The following MAGI2 variants were observed in gnomAD, a reference collection of about 807,000 sequenced individuals.
The protein encoded by MAGI2 is membrane associated guanylate kinase, WW and PDZ domain containing 2.
MAGI2 carries 35 observed loss-of-function variants against 133.3 expected under a neutral mutation model. The observed-to-expected ratio is 0.26, with a 90% CI of 0.20 to 0.35. The LOEUF is 0.35. Ranked by LOEUF, MAGI2 falls within the 10% of genes least tolerant of loss-of-function variation. The probability of loss-of-function intolerance (pLI) is 1.00; values close to 1 mark genes in which losing one functional copy is unlikely to be tolerated. For missense variants in MAGI2, 1,636 were observed against 1,863.4 expected, an observed-to-expected ratio of 0.88 and a Z score of 2.25; for synonymous variants, 729 against 710.6, an observed-to-expected ratio of 1.03 and a Z score of -0.41.
At chr7:78,335,888 T>G (rs2151164363) in intron 9 of MAGI2, among the ~76,000 whole-genome samples, 1 of 152,320 alleles carries the variant, frequency 6.6e-6, no homozygotes, top group Non-Finnish European at 1.5e-5. Flanking sequence ...CTATGCAAAT[T>G]TCACTAAAAT....
At chr7:78,501,460 G>A (rs1794612626) in intron 5 of MAGI2, 117 bp downstream of exon 5, 1 of 876,982 alleles carries the variant, frequency 1.1e-6, no homozygotes, top group Non-Finnish European at 1.7e-6. Context: ...TAAAAAAGCT[G>A]TTACCAGAAT....
chr7:78,948,458 T>C (rs1381304273), intron 2 of MAGI2, among the ~76,000 whole-genome samples: 1 of 152,070 alleles, frequency 6.6e-6, no homozygotes, highest in African/African-American at 2.4e-5. Context: ...AGGATGCTCT[T>C]CCCTGAGATT....
intron 1 of MAGI2, among the ~76,000 whole-genome samples, chr7:79,249,345 A>G (rs1833057330): frequency 6.6e-6 from 1 of 152,116 alleles, no homozygotes; most frequent in African/African-American, 2.4e-5. Context: ...AAGGTCAGCA[A>G]AGTAAGTTTG....
chr7:78,435,053 T>A (rs1188464781), intron 6 of MAGI2, among the ~76,000 whole-genome samples: 1 of 152,100 alleles, frequency 6.6e-6, no homozygotes, highest in Non-Finnish European at 1.5e-5. Flanking sequence ...TGGGTTTTCA[T>A]CCCAGGTCTG....
chr7:79,255,815 C>A (rs1040925795), intron 1 of MAGI2, among the ~76,000 whole-genome samples: 2 of 151,812 alleles, frequency 1.3e-5, no homozygotes, highest in African/African-American at 4.8e-5. Context: ...ATCACCTAGA[C>A]AATTCTAACT....
rs58739225 is a variant in MAGI2, at chr7:78,573,365, AATAT to A, written c.539-51724_539-51721del. Among the ~76,000 whole-genome samples, 144 of 29,024 alleles carry A rather than the reference AATAT, an allele frequency of 5.0e-3. 3 individuals carry two copies. Among genetic ancestry groups the A allele is most frequent in the African/African-American group, 0.021 (116 of 5,402 alleles). The allele number at this position is 29,024 out of a possible 152,430, so 19.0% of individuals were successfully genotyped here. On this transcript the variant is annotated intron_variant, in intron 3 of 21. Transcript: ENST00000354212. Reference sequence around the variant, plus strand: ...ATATATAGAGAGAGAGAATCCTGGAAATATATATATATATATATATATATATATA... The same window carrying A: ...ATATATAGAGAGAGAGAATCCTGGAAATATATATATATATATATATATATA...
At chr7:78,068,005 G>A (rs551532591) in intron 21 of MAGI2, among the ~76,000 whole-genome samples, 3 of 152,212 alleles carry the variant, frequency 2.0e-5, no homozygotes, top group Non-Finnish European at 2.9e-5. Context: ...AGGTGGACAC[G>A]TCATTAGACA....
At chr7:78,384,994 A>G (rs1336875752) in intron 6 of MAGI2, among the ~76,000 whole-genome samples, 1 of 152,174 alleles carries the variant, frequency 6.6e-6, no homozygotes, top group Non-Finnish European at 1.5e-5. Context: ...ACATGCTGCT[A>G]AATGGTAACA....
chr7:78,741,819 G>A (rs1200106620), intron 2 of MAGI2, among the ~76,000 whole-genome samples: 1 of 151,970 alleles, frequency 6.6e-6, no homozygotes, highest in Non-Finnish European at 1.5e-5. Context: ...CTCTCTATAT[G>A]ACGACCTATA....
chr7:79,453,271 T>C lies in MAGI2; in HGVS notation c.50A>G (p.Glu17Gly), dbSNP rs776304318. The C allele has an allele frequency of 6.2e-7, 1 of 1,613,928 alleles. No homozygotes were observed. The change falls in exon 1 of 22, where the codon GAG becomes GGG. Residue 17 changes from glutamate to glycine, a missense_variant. Coordinates refer to ENST00000354212, the MANE Select transcript of MAGI2 (RefSeq NM_012301.4). Reference sequence around the variant, plus strand: ...CTCCGGGTTCCTGCCAATGACACTCTCATGGACTTTGCTAGTCCAGTGGCT... The same window carrying C: ...CTCCGGGTTCCTGCCAATGACACTCCCATGGACTTTGCTAGTCCAGTGGCT... ...KKSHWTSKVH[E>G]SVIGRNPEGQ...
rs530302930 is a variant in MAGI2 at position 78,701,541 on chromosome 7, G to T, written c.419-74302C>A. 3.3e-5 allele frequency among the ~76,000 whole-genome samples: 5 copies of T among 151,990 alleles called. No homozygotes were observed. In the South Asian group the frequency reaches 8.3e-4, roughly 25 times the overall value. On this transcript the variant is annotated intron_variant, in intron 2 of 21. Transcript: ENST00000354212. Reference sequence around the variant, plus strand: ...GTTTGGAATCTTACGTAGGGTGTAGGAACACTAAGTTCACAGAAAAGGTGG... The same window carrying T: ...GTTTGGAATCTTACGTAGGGTGTAGTAACACTAAGTTCACAGAAAAGGTGG...
At chr7:78,962,866 A>G (rs1323270115) in intron 2 of MAGI2, among the ~76,000 whole-genome samples, 2 of 152,070 alleles carry the variant, frequency 1.3e-5, no homozygotes, top group Admixed American at 1.3e-4. Context: ...TCTTTTCATA[A>G]CCTTCAAACA....
At chr7:78,584,436 A>G (rs867697733) in intron 3 of MAGI2, among the ~76,000 whole-genome samples, 17 of 123,380 alleles carry the variant, frequency 1.4e-4, no homozygotes, top group East Asian at 1.8e-3. Context: ...AAAAAAAAAA[A>G]AAAAAAAAAA....
At chr7:78,750,903 A>G (rs1440866032) in intron 2 of MAGI2, among the ~76,000 whole-genome samples, 2 of 152,238 alleles carry the variant, frequency 1.3e-5, no homozygotes, top group Non-Finnish European at 2.9e-5. Context: ...GAAACACAAA[A>G]GTATTTCCAA....
Position 79,329,214 on chromosome 7 carries a change from A to C in MAGI2, c.301+123806T>G, listed in dbSNP as rs1449828015. Reference sequence around the variant, plus strand: ...ATAGTTTGAGAATCACCATTTCATCACTCTACAGATCAATATTTTCCATCC... The same window carrying C: ...ATAGTTTGAGAATCACCATTTCATCCCTCTACAGATCAATATTTTCCATCC... On this transcript the variant is annotated intron_variant, in intron 1 of 21. Coordinates refer to ENST00000354212, the MANE Select transcript of MAGI2 (RefSeq NM_012301.4). 2.0e-5 allele frequency among the ~76,000 whole-genome samples: 3 copies of C among 152,152 alleles called. No homozygotes were observed. In the East Asian group the frequency reaches 5.8e-4, roughly 29 times the overall value.
chr7:78,346,548 T>C (rs914273939), intron 7 of MAGI2, among the ~76,000 whole-genome samples: 3 of 152,256 alleles, frequency 2.0e-5, no homozygotes, highest in Middle Eastern at 3.4e-3. Flanking sequence ...GAGAAAGAGT[T>C]TGCAGAAGTT....
At chr7:79,190,301 TA>T (rs1827540880) in intron 1 of MAGI2, among the ~76,000 whole-genome samples, 1 of 151,904 alleles carries the variant, frequency 6.6e-6, no homozygotes, top group Non-Finnish European at 1.5e-5. Flanking sequence ...TGTTGTGTTT[TA>T]AGTTTTAGGC....
At chr7:79,242,746 A>C (rs764765575) in intron 1 of MAGI2, among the ~76,000 whole-genome samples, 24 of 152,312 alleles carry the variant, frequency 1.6e-4, no homozygotes, top group Non-Finnish European at 2.5e-4. Context: ...GGCCAATAAG[A>C]GGATGTAGAA....
At chr7:78,557,830 T>G (rs1799983375) in intron 3 of MAGI2, among the ~76,000 whole-genome samples, 1 of 152,236 alleles carries the variant, frequency 6.6e-6, no homozygotes, top group African/African-American at 2.4e-5. Flanking sequence ...CAGTTTTTGC[T>G]TATTGATTAT....
Sources: gnomAD v4.1 joint callset for allele counts (sites outside exome capture counted in the v4.1 genomes callset) on GRCh38, gnomAD v4.1.1 for gene constraint, MANE v1.5 for transcripts, NCBI Gene and HGNC (gene_info 2026-07-23, HGNC 2026-07-21) for gene names.